Variants in METTL2A observed in about 807,000 individuals in gnomAD.
METTL2A encodes the protein tRNA N(3)-cytidine methyltransferase METTL2A.
METTL2A carries 45 observed loss-of-function variants against 49.4 expected under a neutral mutation model. The observed-to-expected ratio is 0.91, with a 90% confidence interval of 0.72 to 1.17. The LOEUF is 1.17. METTL2A is among the 50% of genes most tolerant of loss of function. The pLI, the probability that METTL2A is intolerant of heterozygous loss-of-function variation, is 0.00. For missense variants in METTL2A, 361 were observed against 462.2 expected, an observed-to-expected ratio of 0.78 and a Z score of 2.01; for synonymous variants, 118 against 167.5, an observed-to-expected ratio of 0.70 and a Z score of 2.28.
chr17:62,428,506 A>G (rs1478921527), intron 4 of METTL2A, among the ~76,000 whole-genome samples: 5 of 152,204 alleles, frequency 3.3e-5, no homozygotes, highest in Admixed American at 2.6e-4. Context: ...TTCAGATGCC[A>G]GTTGTGAATC....
chr17:62,430,202 T>G (rs1328730393), intron 4 of METTL2A, among the ~76,000 whole-genome samples: 2 of 152,214 alleles, frequency 1.3e-5, no homozygotes, highest in African/African-American at 4.8e-5. Flanking sequence ...TAGCTAACAC[T>G]GAAGAAAAGA....
intron 4 of METTL2A, among the ~76,000 whole-genome samples, chr17:62,430,169 T>C (rs1192291770): frequency 6.6e-6 from 1 of 152,222 alleles, no homozygotes; most frequent in Non-Finnish European, 1.5e-5. Context: ...CTCAGAAATT[T>C]CTAAGAAAAT....
At chr17:62,446,761 A>G (rs2070771794) in intron 7 of METTL2A, among the ~76,000 whole-genome samples, 1 of 152,184 alleles carries the variant, frequency 6.6e-6, no homozygotes, top group Non-Finnish European at 1.5e-5. Flanking sequence ...TTGTCACCTG[A>G]GGTGGACCCC....
chr17:62,438,648 G>A (rs1043059673), intron 5 of METTL2A, among the ~76,000 whole-genome samples: 47 of 151,030 alleles, frequency 3.1e-4, no homozygotes, highest in African/African-American at 1.1e-3. Flanking sequence ...AATTGGTAGT[G>A]CCATGCTTTT....
At chr17:62,446,442 C>T (rs924783409) in intron 7 of METTL2A, among the ~76,000 whole-genome samples, 4 of 152,210 alleles carry the variant, frequency 2.6e-5, no homozygotes, top group African/African-American at 9.6e-5. Flanking sequence ...TCCCGAATAG[C>T]CGAGACTACA....
Position 62,447,836 on chromosome 17 carries a change from A to G in METTL2A, c.982+70A>G, listed in dbSNP as rs1459411201. The G allele has an allele frequency of 1.9e-6, 3 of 1,601,792 alleles. No homozygotes were observed. The African/African-American group carries it at 4.0e-5, about 21-fold the overall frequency. Reference sequence around the variant, plus strand: ...ATGAGATGGTCTTCAAGGCACGTTCAGAAGGAAAACTATCTGGTCCCTCCT... The same window carrying G: ...ATGAGATGGTCTTCAAGGCACGTTCGGAAGGAAAACTATCTGGTCCCTCCT... On this transcript the variant is annotated intron_variant, in intron 8 of 8. Transcript: ENST00000311506.
At chr17:62,424,662 G>T (rs1295603026) in intron 2 of METTL2A, among the ~76,000 whole-genome samples, 1 of 152,114 alleles carries the variant, frequency 6.6e-6, no homozygotes, top group Non-Finnish European at 1.5e-5. Context: ...TTTTCCATGA[G>T]GAGATGTTTT....
chr17:62,436,547 C>T (rs2070701512), intron 5 of METTL2A, among the ~76,000 whole-genome samples: 1 of 151,602 alleles, frequency 6.6e-6, no homozygotes, highest in Non-Finnish European at 1.5e-5. Flanking sequence ...GAGACTCCAT[C>T]TCAAAAAAAA....
intron 2 of METTL2A, among the ~76,000 whole-genome samples, chr17:62,425,857 C>T (rs1043289793): frequency 1.3e-5 from 2 of 150,964 alleles, no homozygotes; most frequent in Non-Finnish European, 3.0e-5. Flanking sequence ...AAAAATTAGC[C>T]GGGCGTGGTG....
At position 62,426,779 on chromosome 17, in the gene METTL2A, A is replaced by G. The variant is rs570201645; in HGVS notation, c.558+125A>G. On this transcript the variant is annotated intron_variant, in intron 3 of 8. Transcript: ENST00000311506. ...ATGATGCTGACTAGACTTGACCCTT[A>G]TATTAGCCTGGAATCACCTCCATTT... 32 of 655,810 alleles carry G rather than the reference A, an allele frequency of 4.9e-5. No individual in the cohort carries two copies. In the East Asian group the frequency reaches 7.9e-4, roughly 16 times the overall value. The allele number at this position is 655,810 out of a possible 1,614,324, so 40.6% of individuals were successfully genotyped here. A position where few individuals can be genotyped will look rare whatever the true frequency, so the allele number is the denominator to read the frequency against.
chr17:62,445,013 AATC>A (rs2070759794), intron 7 of METTL2A, 70 bp downstream of exon 7: 1 of 1,548,350 alleles, frequency 6.5e-7, no homozygotes, highest in South Asian at 1.1e-5. Flanking sequence ...TGAAGCTGGA[AATC>A]ATCATTCTCA....
chr17:62,432,710 G>A (rs1470658965), intron 4 of METTL2A, among the ~76,000 whole-genome samples: 5 of 152,170 alleles, frequency 3.3e-5, no homozygotes, highest in African/African-American at 4.8e-5. Flanking sequence ...GCTGAGGCAG[G>A]AGAATGGCGT....
rs2070812866 is a variant in METTL2A, at chr17:62,452,858, C to T, written c.*4129C>T. Reference sequence around the variant, plus strand: ...CTCCTGAGCTCAAGCAATCCTCCCACCTCGGCCTCCCAAAGTGCTGGGATG... The same window carrying T: ...CTCCTGAGCTCAAGCAATCCTCCCATCTCGGCCTCCCAAAGTGCTGGGATG... On this transcript the variant is annotated 3_prime_UTR_variant, in exon 9 of 9. Transcript: ENST00000311506. Among the ~76,000 whole-genome samples, 1 of 152,178 alleles carries T rather than the reference C, an allele frequency of 6.6e-6. No homozygotes were observed. The highest frequency in any genetic ancestry group is 1.5e-5 in the Non-Finnish European group (1 of 68,040).
At position 62,423,944 on chromosome 17, in the gene METTL2A, C is replaced by T; in HGVS notation, c.42C>T (p.Ala14=). Residue 14 remains alanine, a synonymous_variant, in exon 1 of 9, where the codon GCC becomes GCT. Coordinates refer to ENST00000311506, the MANE Select transcript of METTL2A (RefSeq NM_181725.4). ...CTGAAGGTGCACCTGCAGTCCTCGC[C>T]GATAAGAGGCAGCAGTTCGGAAGCC... is the stretch of plus-strand genomic sequence containing the variant. The part of the protein sequence containing the change: ...SYPEGAPAVL[A]DKRQQFGSRF... 4.3e-6 allele frequency: 7 copies of T among 1,613,802 alleles called. No individual in the cohort carries two copies. The highest frequency in any genetic ancestry group is 1.3e-5 in the African/African-American group (1 of 75,024).
At chr17:62,438,954 A>T (rs146613973) in intron 5 of METTL2A, among the ~76,000 whole-genome samples, 37 of 145,966 alleles carry the variant, frequency 2.5e-4, no homozygotes, top group Non-Finnish European at 3.7e-4. Context: ...CTATGGGCAC[A>T]TGCCACCACA....
chr17:62,440,372 A>G (rs1270825456), intron 5 of METTL2A, among the ~76,000 whole-genome samples: 1 of 152,180 alleles, frequency 6.6e-6, no homozygotes, highest in Non-Finnish European at 1.5e-5. Flanking sequence ...ACCAATCTAT[A>G]TAATGATTAG....
chr17:62,424,142 G>C, intron 1 of METTL2A, 77 bp from the exon 2 acceptor site: 1 of 1,603,806 alleles, frequency 6.2e-7, no homozygotes, highest in Non-Finnish European at 8.5e-7. Flanking sequence ...CAAGGGGAGA[G>C]AAACTCCTAG....
At chr17:62,446,333 C>T (rs985721900) in intron 7 of METTL2A, among the ~76,000 whole-genome samples, 3 of 145,680 alleles carry the variant, frequency 2.1e-5, no homozygotes, top group Non-Finnish European at 4.5e-5. Context: ...TTTTTTGAGA[C>T]GGAGTCTCGC....
Position 62,424,247 on chromosome 17 carries a change from G to A in METTL2A, c.139G>A (p.Ala47Thr), listed in dbSNP as rs1433426573. 3 of 1,614,138 alleles carry A rather than the reference G, an allele frequency of 1.9e-6. No homozygotes were observed. Among genetic ancestry groups the A allele is most frequent in the Non-Finnish European group, 1.7e-6 (2 of 1,180,006 alleles). ...CAATGTGGAGTGGTCGGAAGAGCAA[G>A]CCGCGGCGGCGGAGAGAAAAGTCCA... ...WDNVEWSEEQ[A>T]AAAERKVQEN... Residue 47 changes from alanine to threonine, a missense_variant, in exon 2 of 9, where the codon GCC becomes ACC. Coordinates refer to ENST00000311506, the MANE Select transcript of METTL2A (RefSeq NM_181725.4).
Sources: allele counts gnomAD v4.1 joint callset (sites outside exome capture counted in the v4.1 genomes callset), GRCh38; gene constraint gnomAD v4.1.1; transcripts MANE v1.5; gene names NCBI Gene and HGNC (gene_info 2026-07-23, HGNC 2026-07-21).